The following SGCD variants were observed in gnomAD, a reference collection of about 807,000 sequenced individuals.
SGCD encodes delta-sarcoglycan.
SGCD carries 18 observed loss-of-function variants against 36.6 expected under a neutral mutation model. That is an observed-to-expected ratio of 0.49 (90% CI 0.34 to 0.73). The LOEUF is 0.73. SGCD is among the 30% of genes least tolerant of loss of function. The pLI is 0.01. For synonymous variants in SGCD, 133 were observed against 130.6 expected, an observed-to-expected ratio of 1.02 and a Z score of -0.12; for missense variants, 387 against 346.7, an observed-to-expected ratio of 1.12 and a Z score of -0.92.
chr5:156,098,844 C>G (rs1232840187), intron 1 of SGCD, among the ~76,000 whole-genome samples: 1 of 152,218 alleles, frequency 6.6e-6, no homozygotes, highest in Non-Finnish European at 1.5e-5. Context: ...AGCTGAGTCT[C>G]TCTTGCCAGC....
chr5:156,465,027 T>A (rs1261114980), intron 3 of SGCD, among the ~76,000 whole-genome samples: 1 of 152,142 alleles, frequency 6.6e-6, no homozygotes, highest in Non-Finnish European at 1.5e-5. Flanking sequence ...TTCCATTGTC[T>A]CAGCTGCAGC....
chr5:155,872,152 GAGA>G (rs1755667272), intron 1 of SGCD, among the ~76,000 whole-genome samples: 1 of 152,192 alleles, frequency 6.6e-6, no homozygotes, highest in Non-Finnish European at 1.5e-5. Context: ...TTTCTTAAGA[GAGA>G]AGAAGAGGAA....
At chr5:156,700,934 C>T (rs1754503335) in intron 7 of SGCD, among the ~76,000 whole-genome samples, 1 of 96,926 alleles carries the variant, frequency 1.0e-5, no homozygotes, top group South Asian at 4.1e-4. Flanking sequence ...TGGAGTGAGA[C>T]CTTGTCTCAA....
At chr5:156,001,809 C>A (rs371750376) in intron 1 of SGCD, among the ~76,000 whole-genome samples, 1 of 152,268 alleles carries the variant, frequency 6.6e-6, no homozygotes, top group Non-Finnish European at 1.5e-5. Flanking sequence ...AGGACTCGGG[C>A]GGAGCCCCAG....
intron 1 of SGCD, among the ~76,000 whole-genome samples, chr5:156,026,224 G>A (rs1759223971): frequency 6.6e-6 from 1 of 152,210 alleles, no homozygotes. Context: ...TATTTATTGA[G>A]AATGTACTTT....
chr5:155,923,752 C>T (rs770551940), intron 1 of SGCD, among the ~76,000 whole-genome samples: 2 of 152,182 alleles, frequency 1.3e-5, no homozygotes, highest in Non-Finnish European at 2.9e-5. Flanking sequence ...TTGTTTAGTG[C>T]CTTTTAATGA....
At chr5:156,744,340 T>G (rs186004464) in intron 7 of SGCD, among the ~76,000 whole-genome samples, 1 of 152,246 alleles carries the variant, frequency 6.6e-6, no homozygotes, top group Non-Finnish European at 1.5e-5. Context: ...CCACAGGCAC[T>G]GTTGGAGATC....
At chr5:156,077,787 G>C (rs1760828823) in intron 1 of SGCD, among the ~76,000 whole-genome samples, 1 of 152,122 alleles carries the variant, frequency 6.6e-6, no homozygotes, top group Non-Finnish European at 1.5e-5. Context: ...TGACACTACT[G>C]TGTACTCAGG....
chr5:155,944,972 A>G (rs1204756260), intron 1 of SGCD, among the ~76,000 whole-genome samples: 1 of 152,196 alleles, frequency 6.6e-6, no homozygotes, highest in African/African-American at 2.4e-5. Flanking sequence ...GGCCCAAGTG[A>G]ACAAACACAT....
At chr5:156,155,561 A>G (rs958699797) in intron 3 of SGCD, among the ~76,000 whole-genome samples, 4 of 150,544 alleles carry the variant, frequency 2.7e-5, no homozygotes, top group African/African-American at 9.9e-5. Flanking sequence ...GGAAAGAAAC[A>G]CCAACACCAA....
At chr5:156,747,109 T>A (rs2113121737) in intron 7 of SGCD, among the ~76,000 whole-genome samples, 1 of 152,106 alleles carries the variant, frequency 6.6e-6, no homozygotes, top group South Asian at 2.1e-4. Flanking sequence ...CATGAAAAGG[T>A]GCCTAACAAC....
At chr5:155,858,291 T>C in the SGCD span, among the ~76,000 whole-genome samples, 1 of 152,164 alleles carries the variant, frequency 6.6e-6, no homozygotes, top group Non-Finnish European at 1.5e-5. Context: ...CAAGCTTGTT[T>C]GGGTATGGTG....
intron 3 of SGCD, among the ~76,000 whole-genome samples, chr5:156,453,164 G>A (rs1276204365): frequency 6.6e-6 from 1 of 152,118 alleles, no homozygotes; most frequent in Admixed American, 6.6e-5. Flanking sequence ...AGAAACTAAG[G>A]ATTTTTATTC....
At chr5:156,073,737 C>G (rs1365149002) in intron 1 of SGCD, among the ~76,000 whole-genome samples, 2 of 152,164 alleles carry the variant, frequency 1.3e-5, no homozygotes, top group African/African-American at 4.8e-5. Context: ...TCTAAATCAG[C>G]AGAAAGATAT....
intron 1 of SGCD, among the ~76,000 whole-genome samples, chr5:156,113,307 C>T (rs1761833368): frequency 6.6e-6 from 1 of 152,120 alleles, no homozygotes; most frequent in South Asian, 2.1e-4. Context: ...TGCTGCAAAA[C>T]TGGAGGGAAG....
At chr5:156,034,912 G>A (rs1284650100) in intron 1 of SGCD, among the ~76,000 whole-genome samples, 1 of 152,192 alleles carries the variant, frequency 6.6e-6, no homozygotes, top group Non-Finnish European at 1.5e-5. Flanking sequence ...TCAGAGCTTA[G>A]CATATTGTAA....
chr5:156,254,835 AG>A (rs756981493), intron 3 of SGCD, among the ~76,000 whole-genome samples: 2 of 152,208 alleles, frequency 1.3e-5, no homozygotes, highest in Non-Finnish European at 2.9e-5. Context: ...CGACACAGCA[AG>A]ACCCTGCCTC....
intron 3 of SGCD, among the ~76,000 whole-genome samples, chr5:156,321,616 C>T (rs538996775): frequency 6.6e-6 from 1 of 152,134 alleles, no homozygotes; most frequent in African/African-American, 2.4e-5. Context: ...TTCTTTTTGC[C>T]TCCAGGGTTG....
Position 156,298,583 on chromosome 5 carries a change from T to C in SGCD, c.-43-30951T>C, listed in dbSNP as rs550206597. Among the ~76,000 whole-genome samples the C allele has an allele frequency of 6.8e-4, 100 of 146,288 alleles. 1 individual carries two copies. Among genetic ancestry groups the C allele is most frequent in the Middle Eastern group, 6.9e-3 (2 of 288 alleles). ...TAAGTCTTTTTTTCTTTTCTTTTTTTTTTTTTTTTTTTTGGAGACAGAGTT... is the reference window on the plus strand; with the variant it reads ...TAAGTCTTTTTTTCTTTTCTTTTTTCTTTTTTTTTTTTTGGAGACAGAGTT... On this transcript the variant is annotated intron_variant, in intron 3 of 9. Coordinates refer to the SGCD transcript ENST00000517913.
Sources: gnomAD v4.1 joint callset for allele counts (sites outside exome capture counted in the v4.1 genomes callset) on GRCh38, gnomAD v4.1.1 for gene constraint, MANE v1.5 for transcripts, NCBI Gene and HGNC (gene_info 2026-07-23, HGNC 2026-07-21) for gene names.